Variants in NT5C2 observed in about 807,000 individuals in gnomAD.
NT5C2 encodes the protein cytosolic purine 5'-nucleotidase.
A neutral mutation model predicts 76.1 loss-of-function variants in NT5C2; 58 were observed. The observed-to-expected ratio is 0.76, with a 90% CI of 0.62 to 0.95. NT5C2 has a LOEUF of 0.95. Among genes scored for constraint, NT5C2 ranks in the 40% least tolerant of loss-of-function variants. NT5C2 has a pLI of 0.00. For missense variants in NT5C2, 478 were observed against 690.3 expected (o/e 0.69, Z 3.45); for synonymous variants, 229 against 237.4 (o/e 0.96, Z 0.32).
chr10:103,127,740 G>C (rs905283323), intron 4 of NT5C2, among the ~76,000 whole-genome samples: 7 of 152,088 alleles, frequency 4.6e-5, no homozygotes, highest in African/African-American at 1.4e-4. Flanking sequence ...TAGAAGTTTA[G>C]AGAGACGGGG....
At chr10:103,120,688 G>A (rs1452324189) in intron 4 of NT5C2, among the ~76,000 whole-genome samples, 6 of 152,200 alleles carry the variant, frequency 3.9e-5, no homozygotes. Flanking sequence ...TGTATTGCTG[G>A]TGGGGATGTA....
At chr10:103,096,784 T>TGCA (rs2068292290) in intron 11 of NT5C2, among the ~76,000 whole-genome samples, 1 of 138,532 alleles carries the variant, frequency 7.2e-6, no homozygotes, top group Admixed American at 8.3e-5. Flanking sequence ...CGGCAGAGGT[T>TGCA]GCAGTGAGCC....
At chr10:103,126,477 CAG>C (rs1278470213) in intron 4 of NT5C2, among the ~76,000 whole-genome samples, 1 of 152,108 alleles carries the variant, frequency 6.6e-6, no homozygotes, top group Admixed American at 6.6e-5. Flanking sequence ...CAAAAATTAA[CAG>C]GGCGCGGTGG....
chr10:103,158,885 T>C (rs553365484), intron 3 of NT5C2, among the ~76,000 whole-genome samples: 1 of 149,100 alleles, frequency 6.7e-6, no homozygotes, highest in East Asian at 2.0e-4. Context: ...TAAAAACAGA[T>C]ATAATACTAT....
In NT5C2 at chr10:103,166,027, C is replaced by T. The variant is rs535266004; in HGVS notation, c.101+8831G>A. Among the ~76,000 whole-genome samples, 90 of 152,330 alleles carry T rather than the reference C, an allele frequency of 5.9e-4. 1 individual carries two copies. In the South Asian group the frequency reaches 0.016, roughly 27 times the overall value. ...AATTTGGAGTAATTGTAGATTCACA[C>T]GCAGTTGAGTAAGAAATGATACAGA... On this transcript the variant is annotated intron_variant, in intron 3 of 18. Transcript: ENST00000404739.
At position 103,099,977 on chromosome 10, in the gene NT5C2, G is replaced by A. The variant is rs1264695996; in HGVS notation, c.582C>T (p.Tyr194=). The change falls in exon 9 of 19, where the codon TAC becomes TAT. Residue 194 remains tyrosine (Y), a synonymous_variant. Transcript: ENST00000404739. ...CTCTTACATCCTGGAACATACTCCGGTAGGACATGAAGAGGTCCCCATCTT... is the reference window on the plus strand; with the variant it reads ...CTCTTACATCCTGGAACATACTCCGATAGGACATGAAGAGGTCCCCATCTT... ...GFKDGDLFMS[Y]RSMFQDVRDA... The A allele has an allele frequency of 6.2e-7, 1 of 1,612,792 alleles. No homozygotes were observed. The highest frequency in any genetic ancestry group is 8.5e-7 in the Non-Finnish European group (1 of 1,179,150).
At chr10:103,096,450 A>T (rs187492740) in intron 11 of NT5C2, among the ~76,000 whole-genome samples, 2 of 152,328 alleles carry the variant, frequency 1.3e-5, no homozygotes, top group Admixed American at 1.3e-4. Flanking sequence ...TCTTGCCAGT[A>T]CTATAAATTT....
chr10:103,138,188 C>T (rs1198616929), intron 4 of NT5C2, among the ~76,000 whole-genome samples: 1 of 152,212 alleles, frequency 6.6e-6, no homozygotes, highest in Non-Finnish European at 1.5e-5. Flanking sequence ...CTAACTGCAG[C>T]TGACCATTGG....
In NT5C2 at chr10:103,151,116, A is replaced by AT. The variant is rs550530081; in HGVS notation, c.102-11638dup. 2.9e-3 allele frequency among the ~76,000 whole-genome samples: 434 copies of AT among 149,354 alleles called. 3 individuals are homozygous for AT. Among genetic ancestry groups the AT allele is most frequent in the African/African-American group, 9.8e-3 (400 of 40,752 alleles). On this transcript the variant is annotated intron_variant, in intron 3 of 18. Coordinates refer to ENST00000404739, the MANE Select transcript of NT5C2 (RefSeq NM_001351169.2). ...AGATAAAGGTCAAGGGTCAAGGTTC[A>AT]TTTTTTTTTTCCTATATGAATATTC... is the stretch of plus-strand genomic sequence containing the variant.
chr10:103,153,620 G>A (rs2082784532), intron 3 of NT5C2: 3 of 985,270 alleles, frequency 3.0e-6, no homozygotes, highest in Admixed American at 6.1e-5. Flanking sequence ...GTAAGAGACA[G>A]GAATCGTTAC....
intron 1 of NT5C2, among the ~76,000 whole-genome samples, chr10:103,187,022 G>A (rs1211447719): frequency 6.6e-6 from 1 of 152,160 alleles, no homozygotes; most frequent in Non-Finnish European, 1.5e-5. Flanking sequence ...AGGCTGAGGT[G>A]GGCGGATCAC....
Position 103,097,168 on chromosome 10 carries a change from TTGAAAA to T in NT5C2, c.771+117_771+122del, listed in dbSNP as rs1310485231. 4.0e-5 allele frequency: 29 copies of T among 729,646 alleles called. No individual in the cohort carries two copies. The African/African-American group carries it at 4.9e-4, about 12-fold the overall frequency. 45.2% of individuals were successfully genotyped at this position (729,646 alleles called of 1,614,324 possible). A position where few individuals can be genotyped will look rare whatever the true frequency, so the allele number is the denominator to read the frequency against. On this transcript the variant is annotated intron_variant, in intron 11 of 18. Coordinates refer to ENST00000404739, the MANE Select transcript of NT5C2 (RefSeq NM_001351169.2). ...CTGTATATTTTTGCCTTTTTACTCT[TTGAAAA>T]TGAGAAGGCAAGAAACTATTTTCAC...
At chr10:103,113,681 T>C (rs2073626052) in intron 4 of NT5C2, among the ~76,000 whole-genome samples, 1 of 152,154 alleles carries the variant, frequency 6.6e-6, no homozygotes. Flanking sequence ...AGAGGGGATA[T>C]ACATTTAGAT....
intron 3 of NT5C2, among the ~76,000 whole-genome samples, chr10:103,143,064 A>G (rs1411286616): frequency 3.3e-5 from 5 of 152,120 alleles, no homozygotes; most frequent in Admixed American, 1.3e-4. Flanking sequence ...GACAGAAAAT[A>G]AGGTTATCCT....
intron 3 of NT5C2, among the ~76,000 whole-genome samples, chr10:103,167,787 A>G (rs1472817726): frequency 6.6e-6 from 1 of 152,022 alleles, no homozygotes; most frequent in African/African-American, 2.4e-5. Flanking sequence ...GCACACCACC[A>G]TGCCCAGCTA....
chr10:103,132,646 C>T (rs922145229), intron 4 of NT5C2, among the ~76,000 whole-genome samples: 9 of 151,914 alleles, frequency 5.9e-5, no homozygotes, highest in African/African-American at 2.2e-4. Flanking sequence ...CCCAGGTTCA[C>T]GCCATTCTCC....
chr10:103,133,808 A>T (rs1211560372), intron 4 of NT5C2, among the ~76,000 whole-genome samples: 1 of 152,218 alleles, frequency 6.6e-6, no homozygotes, highest in African/African-American at 2.4e-5. Flanking sequence ...CTTTGACAAA[A>T]ATATTGATAG....
At chr10:103,142,924 G>A (rs1471643027) in intron 3 of NT5C2, among the ~76,000 whole-genome samples, 16 of 150,858 alleles carry the variant, frequency 1.1e-4, no homozygotes, top group African/African-American at 3.7e-4. Flanking sequence ...GGGAGGCAGA[G>A]GTTGCCGTGA....
intron 3 of NT5C2, among the ~76,000 whole-genome samples, chr10:103,170,666 G>C (rs2087720260): frequency 6.6e-6 from 1 of 151,580 alleles, no homozygotes; most frequent in Non-Finnish European, 1.5e-5. Context: ...GAGTCCACAG[G>C]CGTAAGCCAC....
Sources: allele counts gnomAD v4.1 joint callset (sites outside exome capture counted in the v4.1 genomes callset), GRCh38; gene constraint gnomAD v4.1.1; transcripts MANE v1.5; gene names NCBI Gene and HGNC (gene_info 2026-07-23, HGNC 2026-07-21).